The following GALNTL6 variants were observed in gnomAD, a reference collection of about 807,000 sequenced individuals.
GALNTL6 encodes polypeptide N-acetylgalactosaminyltransferase-like 6.
In GALNTL6, 46 loss-of-function variants were observed where a neutral mutation model predicts 73.7. The ratio of observed to expected loss-of-function variants is 0.62; its 90% CI spans 0.49 to 0.80. GALNTL6 has a LOEUF of 0.80. Among genes scored for constraint, GALNTL6 ranks in the 30% least tolerant of loss-of-function variants. The pLI is 0.00. For synonymous variants in GALNTL6, 259 were observed against 263.7 expected (o/e 0.98, Z 0.17); for missense variants, 604 against 755.0 (o/e 0.80, Z 2.34).
At chr4:172,654,228 A>T (rs1446832915) in intron 5 of GALNTL6, among the ~76,000 whole-genome samples, 1 of 152,178 alleles carries the variant, frequency 6.6e-6, no homozygotes, top group East Asian at 1.9e-4. Flanking sequence ...AGATTGCTTA[A>T]TGTCTCCTTT....
At position 172,809,242 on chromosome 4, in the gene GALNTL6, A is replaced by G. The variant is rs1366657105; in HGVS notation, c.554-119A>G. ...TAGTATCTCCCATCTAGATGAGGAG[A>G]CAAGAATGTTACCCCAGGATTCATC... is the stretch of plus-strand genomic sequence containing the variant. On this transcript the variant is annotated intron_variant, in intron 5 of 12. Coordinates refer to ENST00000506823, the MANE Select transcript of GALNTL6 (RefSeq NM_001034845.3). The surrounding 1 kb of genome is among the most constrained non-coding windows in gnomAD (Gnocchi z 4.4). The G allele has an allele frequency of 1.3e-6, 1 of 744,572 alleles. No homozygotes were observed. The highest frequency in any genetic ancestry group is 1.8e-5 in the African/African-American group (1 of 56,714). 46.1% of individuals were successfully genotyped at this position (744,572 alleles called of 1,614,324 possible).
intron 8 of GALNTL6, among the ~76,000 whole-genome samples, chr4:172,892,771 G>A (rs1746108055): frequency 6.6e-6 from 1 of 152,048 alleles, no homozygotes; most frequent in Non-Finnish European, 1.5e-5. Context: ...TCTTGGTAGA[G>A]CCCTTTTCAA....
chr4:172,341,366 G>T (rs1324368055), intron 4 of GALNTL6, among the ~76,000 whole-genome samples: 1 of 147,620 alleles, frequency 6.8e-6, no homozygotes, highest in Non-Finnish European at 1.5e-5. Flanking sequence ...CAGGAGAATG[G>T]CGTGAACCCG....
intron 7 of GALNTL6, among the ~76,000 whole-genome samples, chr4:172,870,221 T>C (rs1016024573): frequency 4.6e-5 from 7 of 152,206 alleles, no homozygotes; most frequent in South Asian, 2.1e-4. Context: ...AAATTTATGT[T>C]TAAATTTTTT....
At chr4:173,008,196 G>T (rs1300019331) in intron 10 of GALNTL6, among the ~76,000 whole-genome samples, 1 of 152,194 alleles carries the variant, frequency 6.6e-6, no homozygotes. Flanking sequence ...GGGCTAAGTG[G>T]TTCACTCGCC....
intron 12 of GALNTL6, among the ~76,000 whole-genome samples, chr4:173,032,122 T>C (rs1753486065): frequency 2.0e-5 from 3 of 152,118 alleles, no homozygotes; most frequent in African/African-American, 7.2e-5. Context: ...AACTATTAGG[T>C]TGGTGCAAAA....
intron 2 of GALNTL6, among the ~76,000 whole-genome samples, chr4:172,136,068 G>A (rs557103743): frequency 8.2e-4 from 125 of 152,132 alleles, no homozygotes; most frequent in African/African-American, 2.5e-3. Context: ...TTAGCTGTGC[G>A]TTCTATAGCC....
intron 5 of GALNTL6, among the ~76,000 whole-genome samples, chr4:172,517,553 C>T (rs1222110357): frequency 6.6e-6 from 1 of 152,024 alleles, no homozygotes; most frequent in Non-Finnish European, 1.5e-5. Context: ...TCAGTGGTTT[C>T]TATTGTCAGT....
At chr4:172,131,494 T>C (rs2111018957) in intron 2 of GALNTL6, among the ~76,000 whole-genome samples, 1 of 148,050 alleles carries the variant, frequency 6.8e-6, no homozygotes, top group South Asian at 2.1e-4. Context: ...TATATACATA[T>C]ATATTTTATA....
chr4:172,410,470 A>G (rs1744391833), intron 5 of GALNTL6, among the ~76,000 whole-genome samples: 1 of 152,086 alleles, frequency 6.6e-6, no homozygotes, highest in Non-Finnish European at 1.5e-5. Flanking sequence ...ATGTGAGGCA[A>G]GCACTGCCAT....
chr4:172,529,085 C>T (rs1425621417), intron 5 of GALNTL6, among the ~76,000 whole-genome samples: 1 of 148,256 alleles, frequency 6.7e-6, no homozygotes, highest in African/African-American at 2.5e-5. Context: ...AATTTTAAGT[C>T]TAATGAGCTT....
At chr4:172,758,173 T>C (rs1321515305) in intron 5 of GALNTL6, among the ~76,000 whole-genome samples, 2 of 152,222 alleles carry the variant, frequency 1.3e-5, no homozygotes, top group Non-Finnish European at 2.9e-5. Flanking sequence ...TAGAGTATTG[T>C]ATACATGTTT....
chr4:172,938,899 A>C (rs748587491), intron 9 of GALNTL6, among the ~76,000 whole-genome samples: 5 of 152,220 alleles, frequency 3.3e-5, no homozygotes, highest in Admixed American at 1.3e-4. Flanking sequence ...CTTCCTTACA[A>C]TATAACCTAA....
chr4:171,877,843 C>T (rs560763771), intron 2 of GALNTL6, among the ~76,000 whole-genome samples: 6 of 152,236 alleles, frequency 3.9e-5, no homozygotes, highest in Non-Finnish European at 5.9e-5. Context: ...TTGCATACAT[C>T]GATTGATGTT....
At chr4:172,441,142 C>A (rs1731822954) in intron 5 of GALNTL6, among the ~76,000 whole-genome samples, 1 of 152,046 alleles carries the variant, frequency 6.6e-6, no homozygotes, top group African/African-American at 2.4e-5. Flanking sequence ...CTCCAGCTGG[C>A]TACACACATA....
intron 2 of GALNTL6, among the ~76,000 whole-genome samples, chr4:171,888,866 T>G (rs1194287866): frequency 6.6e-6 from 1 of 152,076 alleles, no homozygotes; most frequent in African/African-American, 2.4e-5. Flanking sequence ...GCTAGGAGTC[T>G]ATTTGAATTA....
chr4:172,152,719 C>T (rs1241699704), intron 2 of GALNTL6, among the ~76,000 whole-genome samples: 2 of 152,166 alleles, frequency 1.3e-5, no homozygotes, highest in South Asian at 2.1e-4. Context: ...AGTGCTCCTC[C>T]CAGCTCAGCC....
intron 2 of GALNTL6, among the ~76,000 whole-genome samples, chr4:171,953,971 T>C (rs1738967245): frequency 6.6e-6 from 1 of 152,174 alleles, no homozygotes; most frequent in Non-Finnish European, 1.5e-5. Flanking sequence ...ACATATTAAC[T>C]GGCATAACAA....
chr4:172,090,294 T>G (rs1275324565), intron 2 of GALNTL6, among the ~76,000 whole-genome samples: 1 of 152,216 alleles, frequency 6.6e-6, no homozygotes, highest in Non-Finnish European at 1.5e-5. Flanking sequence ...TCACAATGGT[T>G]GAACTAATTT....
Sources: allele counts gnomAD v4.1 joint callset (sites outside exome capture counted in the v4.1 genomes callset), GRCh38; gene constraint gnomAD v4.1.1; non-coding constraint Gnocchi (gnomAD v3.1); transcripts MANE v1.5; gene names NCBI Gene and HGNC (gene_info 2026-07-23, HGNC 2026-07-21).